SELENOP: variants seen among roughly 807,000 people sequenced by gnomAD.
SELENOP encodes selenoprotein P.
A neutral mutation model predicts 41.0 loss-of-function variants in SELENOP; 36 were observed. The observed-to-expected ratio is 0.88, with a 90% confidence interval of 0.67 to 1.16. SELENOP has a LOEUF of 1.16. Among genes scored for constraint, SELENOP ranks in the 50% most tolerant of loss-of-function variants. SELENOP has a pLI of 0.00. For missense variants in SELENOP, 440 were observed against 454.2 expected, an observed-to-expected ratio of 0.97 and a Z score of 0.28; for synonymous variants, 144 against 150.8, an observed-to-expected ratio of 0.95 and a Z score of 0.33.
rs769473668 is a variant in SELENOP at position 42,801,254 on chromosome 5, A to G, written c.612T>C (p.His204=). The G allele has an allele frequency of 6.2e-7, 1 of 1,614,158 alleles. No individual in the cohort carries two copies. Among genetic ancestry groups the G allele is most frequent in the Non-Finnish European group, 8.5e-7 (1 of 1,180,010 alleles). The change falls in exon 5 of 5, where the codon CAT becomes CAC. Residue 204 remains histidine (H), a synonymous_variant. Coordinates refer to ENST00000514985, the MANE Select transcript of SELENOP (RefSeq NM_005410.4). Reference sequence around the variant, plus strand: ...GATTGTGATGATGCTCATGATGGTAATGAGGCGATGGAGTTTCAACTGTTT... The same window carrying G: ...GATTGTGATGATGCTCATGATGGTAGTGAGGCGATGGAGTTTCAACTGTTT... ...VDKTVETPSP[H]YHHEHHHNHG...
chr5:42,804,815 G>C (rs1329071302), intron 3 of SELENOP, 42 bp from the exon 4 acceptor site: 1 of 1,247,040 alleles, frequency 8.0e-7, no homozygotes, highest in African/African-American at 1.5e-5. Context: ...AATATTTTCT[G>C]TATCACGATC....
In SELENOP at chr5:42,808,307, G is replaced by C. The variant is rs759244077; in HGVS notation, c.47C>G (p.Ser16Trp). The change falls in exon 2 of 5, where the codon TCG becomes TGG. Residue 16 changes from serine to tryptophan, a missense_variant. Coordinates refer to ENST00000514985, the MANE Select transcript of SELENOP (RefSeq NM_005410.4). ...GLALALCLLP[S>W]GGTESQDQSS... is the part of the protein sequence containing the mutation. ...TTGGTCCTGGCTCTCTGTTCCTCCC[G>C]ATGGGAGGAGACAGAGAGCCAGGGC... is the stretch of plus-strand genomic sequence containing the variant. 4.7e-6 allele frequency: 7 copies of C among 1,493,456 alleles called. No individual in the cohort carries two copies. The East Asian group carries it at 1.8e-4, about 37-fold the overall frequency. 92.5% of individuals were successfully genotyped at this position (1,493,456 alleles called of 1,614,324 possible).
chr5:42,804,427 C>G (rs1221463083), intron 4 of SELENOP, among the ~76,000 whole-genome samples: 2 of 152,166 alleles, frequency 1.3e-5, no homozygotes, highest in African/African-American at 4.8e-5. Flanking sequence ...CGCCACTGCA[C>G]TCCAGCCTCG....
chr5:42,807,865 T>G, intron 2 of SELENOP: 3 of 189,884 alleles, frequency 1.6e-5, no homozygotes, highest in Non-Finnish European at 3.2e-5. Context: ...CAGAAGTACA[T>G]TTTAGAGCAT....
chr5:42,810,174 T>G (rs1229078672), intron 1 of SELENOP, among the ~76,000 whole-genome samples: 2 of 152,188 alleles, frequency 1.3e-5, no homozygotes, highest in Non-Finnish European at 2.9e-5. Context: ...AGAGACTGGA[T>G]TAAAACTAGT....
intron 1 of SELENOP, among the ~76,000 whole-genome samples, chr5:42,810,046 G>C (rs1034010447): frequency 6.6e-6 from 1 of 152,060 alleles, no homozygotes; most frequent in African/African-American, 2.4e-5. Flanking sequence ...TATATATCAT[G>C]TCAGTTAATC....
At chr5:42,809,279 C>T (rs1190011195) in intron 1 of SELENOP, among the ~76,000 whole-genome samples, 4 of 152,172 alleles carry the variant, frequency 2.6e-5, no homozygotes, top group African/African-American at 2.4e-5. Context: ...TATGACTAGA[C>T]AGCACTTTCT....
Position 42,801,086 on chromosome 5 carries a change from G to A in SELENOP, c.780C>T (p.Asn260=). 1.2e-6 allele frequency: 2 copies of A among 1,614,102 alleles called. No homozygotes were observed. Among genetic ancestry groups the A allele is most frequent in the Admixed American group, 1.7e-5 (1 of 60,006 alleles). ...KGQHRQGHPE[N]RDMPASEDLQ... The stretch of plus-strand genomic sequence containing the variant: ...AATCTTCACTTGCTGGCATATCTCG[G>A]TTCTCTGGGTGACCCTGCCTATGCT... The change falls in exon 5 of 5, where the codon AAC becomes AAT. Residue 260 remains asparagine (N), a synonymous_variant. Coordinates refer to ENST00000514985, the MANE Select transcript of SELENOP (RefSeq NM_005410.4).
chr5:42,801,235 G>C lies in SELENOP; in HGVS notation c.631C>G (p.His211Asp). Reference sequence around the variant, plus strand: ...CCAAGGTGCTGATGTCCATGATTGTGATGATGCTCATGATGGTAATGAGGC... The same window carrying C: ...CCAAGGTGCTGATGTCCATGATTGTCATGATGCTCATGATGGTAATGAGGC... ...PSPHYHHEHHHNHGHQHLGSS... is the reference protein window; with the variant it reads ...PSPHYHHEHHDNHGHQHLGSS... The change falls in exon 5 of 5, where the codon CAC (histidine) becomes GAC (aspartate). Residue 211 changes from histidine (H) to aspartate (D), a missense_variant. His to Asp is a moderately conservative substitution (Grantham distance 81). Coordinates refer to ENST00000514985, the MANE Select transcript of SELENOP (RefSeq NM_005410.4). 1 of 1,614,068 alleles carries C rather than the reference G, an allele frequency of 6.2e-7. No individual in the cohort carries two copies. The highest frequency in any genetic ancestry group is 1.6e-4 in the Middle Eastern group (1 of 6,062).
At position 42,811,850 on chromosome 5, in the gene SELENOP, C is replaced by A. The variant is rs1410327881; in HGVS notation, c.-28G>T. 5 of 152,190 alleles carry A rather than the reference C, an allele frequency of 3.3e-5. No homozygotes were observed. Among genetic ancestry groups the A allele is most frequent in the Admixed American group, 2.6e-4 (4 of 15,290 alleles). 9.4% of individuals were successfully genotyped at this position (152,190 alleles called of 1,614,324 possible). On this transcript the variant is annotated 5_prime_UTR_variant, in exon 1 of 5. Transcript: ENST00000514985. ...TTCCTACTTACACAACCACTTCCAA[C>A]GGGCCTGCTTCCTTTCTCTTTGCTT...
At chr5:42,805,275 T>C (rs1561284763) in intron 3 of SELENOP, 1 of 152,246 alleles carries the variant, frequency 6.6e-6, no homozygotes, top group African/African-American at 2.4e-5. Context: ...ATGAAAGTAT[T>C]AGAACATGTG....
At chr5:42,801,481 G>A in intron 4 of SELENOP, 150 bp from the exon 5 acceptor site, 1 of 594,694 alleles carries the variant, frequency 1.7e-6, no homozygotes, top group Non-Finnish European at 2.9e-6. Flanking sequence ...AGAGTCTGAT[G>A]TTAGTCTCAA....
At chr5:42,810,678 T>G (rs945524689) in intron 1 of SELENOP, 4 of 260,280 alleles carry the variant, frequency 1.5e-5, no homozygotes, top group African/African-American at 2.3e-5. Flanking sequence ...CAGGCTGGTC[T>G]TACACTCCTC....
At chr5:42,806,703 T>A in intron 3 of SELENOP, 193 bp downstream of exon 3, 1 of 416,374 alleles carries the variant, frequency 2.4e-6, no homozygotes, top group Non-Finnish European at 4.4e-6. Context: ...AGAAATTTTT[T>A]AAAATGAGAG....
At chr5:42,807,509 A>G (rs1381888913) in intron 2 of SELENOP, 1 of 160,496 alleles carries the variant, frequency 6.2e-6, no homozygotes, top group African/African-American at 2.4e-5. Context: ...ATACAGTATA[A>G]AAATTCCTTA....
intron 2 of SELENOP, 38 bp downstream of exon 2, chr5:42,808,113 C>A (rs1281323859): frequency 2.7e-6 from 3 of 1,110,244 alleles, no homozygotes; most frequent in African/African-American, 3.2e-5. Flanking sequence ...AATAGCCTTC[C>A]CCTTAAGGTA....
rs758207933 is a variant in SELENOP at position 42,800,946 on chromosome 5, A to G, written c.920T>C (p.Leu307Pro). ...TGCAGACCCTGTTTTTTCAAATATCAGATGTCGACAATGGCAGCATCAGCT... is the reference window on the plus strand; with the variant it reads ...TGCAGACCCTGTTTTTTCAAATATCGGATGTCGACAATGGCAGCATCAGCT... The part of the protein sequence containing the change: ...PRSUCCHCRH[L>P]IFEKTGSAIT... Residue 307 changes from leucine (L) to proline (P), a missense_variant, in exon 5 of 5, where the codon CTG becomes CCG. Transcript: ENST00000514985. The G allele has an allele frequency of 6.2e-7, 1 of 1,614,230 alleles. No homozygotes were observed. Among genetic ancestry groups the G allele is most frequent in the Admixed American group, 1.7e-5 (1 of 60,032 alleles).
At chr5:42,810,106 A>G (rs994372364) in intron 1 of SELENOP, among the ~76,000 whole-genome samples, 9 of 152,200 alleles carry the variant, frequency 5.9e-5, no homozygotes, top group Admixed American at 5.9e-4. Context: ...GAGAAAAACC[A>G]TGGCTAAGAG....
At position 42,800,273 on chromosome 5, in the gene SELENOP, T is replaced by C. The variant is rs180804239; in HGVS notation, c.*447A>G. ...TGTTAAGTATTTCTGGATCTTAAAA[T>C]ACAAAATCCACTTATTTTATTAGTT... is the stretch of plus-strand genomic sequence containing the variant. On this transcript the variant is annotated 3_prime_UTR_variant, in exon 5 of 5. Coordinates refer to ENST00000514985, the MANE Select transcript of SELENOP (RefSeq NM_005410.4). 1.8e-3 allele frequency: 280 copies of C among 157,266 alleles called. 1 individual carries two copies. Among genetic ancestry groups the C allele is most frequent in the Admixed American group, 3.0e-3 (46 of 15,522 alleles). The allele number at this position is 157,266 out of a possible 1,614,324, so 9.7% of individuals were successfully genotyped here.
Sources: allele counts gnomAD v4.1 joint callset (sites outside exome capture counted in the v4.1 genomes callset), GRCh38; gene constraint gnomAD v4.1.1; transcripts MANE v1.5; gene names NCBI Gene and HGNC (gene_info 2026-07-23, HGNC 2026-07-21).